Variants in ROS1 observed in about 807,000 individuals in gnomAD.
The protein encoded by ROS1 is proto-oncogene tyrosine-protein kinase ROS.
In ROS1, 263 loss-of-function variants were observed where a neutral mutation model predicts 273.5. That is an observed-to-expected ratio of 0.96 (90% CI 0.87 to 1.06). ROS1 has a LOEUF of 1.06. Among genes scored for constraint, ROS1 ranks in the 50% least tolerant of loss-of-function variants. ROS1 has a pLI of 0.00. For synonymous variants in ROS1, 1,008 were observed against 954.1 expected, an observed-to-expected ratio of 1.06 and a Z score of -1.04; for missense variants, 2,833 against 2,751.1, an observed-to-expected ratio of 1.03 and a Z score of -0.67.
intron 4 of ROS1, among the ~76,000 whole-genome samples, chr6:117,410,365 C>G (rs1242165836): frequency 6.6e-6 from 1 of 152,004 alleles, no homozygotes. Context: ...TTTATATATC[C>G]CGGTCTTCCT....
chr6:117,381,632 C>T (rs562920108), intron 17 of ROS1, among the ~76,000 whole-genome samples: 11 of 151,970 alleles, frequency 7.2e-5, no homozygotes, highest in Non-Finnish European at 1.3e-4. Flanking sequence ...TTTCTTTATC[C>T]ATCCACTAAT....
At chr6:117,325,882 T>C (rs960500440) in intron 34 of ROS1, among the ~76,000 whole-genome samples, 3 of 151,910 alleles carry the variant, frequency 2.0e-5, no homozygotes, top group African/African-American at 7.2e-5. Flanking sequence ...GGAGTGGTCA[T>C]AAGGCTGGTA....
chr6:117,362,494 C>G, intron 22 of ROS1, 109 bp downstream of exon 22: 1 of 981,656 alleles, frequency 1.0e-6, no homozygotes, highest in Non-Finnish European at 1.5e-6. Context: ...CAATCAAAAT[C>G]TAGGTATGTG....
At position 117,403,181 on chromosome 6, in the gene ROS1, A is replaced by C; in HGVS notation, c.562T>G (p.Tyr188Asp). Reference sequence around the variant, plus strand: ...CTGTAACTGGGACTTGGAGGGGAGTAGAGCTGCAGCTGCGCTGTGAAGATC... The same window carrying C: ...CTGTAACTGGGACTTGGAGGGGAGTCGAGCTGCAGCTGCGCTGTGAAGATC... ...VWIFTAQLQL[Y>D]SPPSPSYRTH... Residue 188 changes from tyrosine to aspartate, a missense_variant, in exon 7 of 44, where the codon TAC becomes GAC. Transcript: ENST00000368507. The C allele has an allele frequency of 6.2e-7, 1 of 1,613,676 alleles. No individual in the cohort carries two copies. The highest frequency in any genetic ancestry group is 1.7e-4 in the Middle Eastern group (1 of 6,050).
At chr6:117,289,740 G>A (rs1230297463) in intron 43 of ROS1, among the ~76,000 whole-genome samples, 1 of 151,972 alleles carries the variant, frequency 6.6e-6, no homozygotes, top group Non-Finnish European at 1.5e-5. Flanking sequence ...ATAGTTAGAT[G>A]TGTTGTAAAA....
intron 43 of ROS1, among the ~76,000 whole-genome samples, chr6:117,289,602 CT>C (rs1228327445): frequency 3.3e-5 from 5 of 152,126 alleles, no homozygotes; most frequent in Non-Finnish European, 7.4e-5. Flanking sequence ...TATGCATCTC[CT>C]TTTTGCAGAC....
rs369847058 is a variant in ROS1, at chr6:117,367,556, A to T, written c.2583-1266T>A. Reference sequence around the variant, plus strand: ...CCAGTTCACGTGATGCCAAGAAGGCATGGCCTGCATGCCCACATGACTATT... The same window carrying T: ...CCAGTTCACGTGATGCCAAGAAGGCTTGGCCTGCATGCCCACATGACTATT... On this transcript the variant is annotated intron_variant, in intron 18 of 43. Coordinates refer to ENST00000368507, the MANE Select transcript of ROS1 (RefSeq NM_001378902.1). 8.5e-5 allele frequency among the ~76,000 whole-genome samples: 13 copies of T among 152,338 alleles called. No individual in the cohort carries two copies. The East Asian group carries it at 1.5e-3, about 18-fold the overall frequency.
chr6:117,314,263 G>C (rs188332378), intron 39 of ROS1, among the ~76,000 whole-genome samples: 1 of 152,114 alleles, frequency 6.6e-6, no homozygotes, highest in Non-Finnish European at 1.5e-5. Context: ...CAAATCAACT[G>C]TCATGAGAAC....
chr6:117,409,628 C>T lies in ROS1; in HGVS notation c.270G>A (p.Glu90=). 1 of 1,613,886 alleles carries T rather than the reference C, an allele frequency of 6.2e-7. No individual in the cohort carries two copies. The highest frequency in any genetic ancestry group is 8.5e-7 in the Non-Finnish European group (1 of 1,179,834). ...CACCTTCCGCGCTGCTACAGCCAAC[C>T]TCACACGACTCCCGCTGTGGAAGAC... The part of the protein sequence containing the change: ...YATVCERESC[E]VGCSSAEGAY... The change falls in exon 5 of 44, where the codon GAG becomes GAA. Residue 90 remains glutamate (E), a synonymous_variant. Transcript: ENST00000368507.
At chr6:117,423,592 G>A (rs1042463540) in intron 1 of ROS1, among the ~76,000 whole-genome samples, 10 of 152,190 alleles carry the variant, frequency 6.6e-5, no homozygotes, top group African/African-American at 2.2e-4. Flanking sequence ...CTCTGTTAAC[G>A]TAAGATAAAA....
chr6:117,366,262 C>T lies in ROS1; in HGVS notation c.2611G>A (p.Ala871Thr), dbSNP rs539820527. ...STGDTTITEFAAWSTSEISQN... is the reference protein window; with the variant it reads ...STGDTTITEFTAWSTSEISQN... ...GAAATTTCAGAAGTACTCCAGGCTG[C>T]AAATTCTGTGATGGTGGTATCCCCA... The change falls in exon 19 of 44, where the codon GCA (alanine) becomes ACA (threonine). Residue 871 changes from alanine to threonine, a missense_variant. Ala to Thr is a moderately conservative substitution (Grantham distance 58, BLOSUM62 0). Coordinates refer to ENST00000368507, the MANE Select transcript of ROS1 (RefSeq NM_001378902.1). 31 of 1,613,996 alleles carry T rather than the reference C, an allele frequency of 1.9e-5. No homozygotes were observed. The South Asian group carries it at 3.1e-4, about 16-fold the overall frequency.
Position 117,324,400 on chromosome 6 carries a change from G to C in ROS1, c.5555C>G (p.Pro1852Arg), listed in dbSNP as rs1185894476. 6.8e-7 allele frequency: 1 copy of C among 1,461,442 alleles called. No homozygotes were observed. The highest frequency in any genetic ancestry group is 1.2e-5 in the South Asian group (1 of 83,480). The allele number at this position is 1,461,442 out of a possible 1,614,324, so 90.5% of individuals were successfully genotyped here. The stretch of plus-strand genomic sequence containing the variant: ...AATAGTAAGTATGAAACTTGTTTCT[G>C]GTATCCAAAAATCATCTAATAATAT... ...IILVGDDFWI[P>R]ETSFILTIIV... Residue 1852 changes from proline to arginine, a missense_variant, in exon 35 of 44, where the codon CCA (proline) becomes CGA (arginine). Physicochemically the swap from Pro to Arg is moderately radical, Grantham distance 103. Transcript: ENST00000368507.
rs775020411 is a variant in ROS1 at position 117,362,753 on chromosome 6, C to T, written c.3216G>A (p.Gly1072=). 6.2e-7 allele frequency: 1 copy of T among 1,613,622 alleles called. No individual in the cohort carries two copies. The highest frequency in any genetic ancestry group is 8.5e-7 in the Non-Finnish European group (1 of 1,179,718). ...AGAAAATTTCAAATTTTGTTAACAC[C>T]CCATTTTCATGCTTAGGTTTGTTCC... ...FRWNKPKHEN[G]VLTKFEIFYN... Residue 1072 remains glycine, a synonymous_variant, in exon 22 of 44, where the codon GGG becomes GGA. Transcript: ENST00000368507.
chr6:117,361,038 TCACAACTA>T (rs1258163010), intron 22 of ROS1, among the ~76,000 whole-genome samples: 2 of 152,080 alleles, frequency 1.3e-5, no homozygotes, highest in African/African-American at 4.8e-5. Flanking sequence ...CTTTTGATCT[TCACAACTA>T]CTAAGAGTAG....
In ROS1 at chr6:117,300,972, A is replaced by G. The variant is rs2128536560; in HGVS notation, c.6715+2T>C. Reference sequence around the variant, plus strand: ...TAGAAAATTCTGAAGAATCAAACTTACCTTCAAAGCTTTCATTTATGACTC... The same window carrying G: ...TAGAAAATTCTGAAGAATCAAACTTGCCTTCAAAGCTTTCATTTATGACTC... On this transcript the variant is annotated splice_donor_variant, in intron 43 of 43. Coordinates refer to ENST00000368507, the MANE Select transcript of ROS1 (RefSeq NM_001378902.1). LOFTEE classifies it high-confidence loss of function. 6.5e-7 allele frequency: 1 copy of G among 1,550,354 alleles called. No individual in the cohort carries two copies.
intron 17 of ROS1, among the ~76,000 whole-genome samples, chr6:117,380,429 T>G (rs1221578921): frequency 6.6e-6 from 1 of 152,064 alleles, no homozygotes; most frequent in East Asian, 1.9e-4. Context: ...GGTAAAAATG[T>G]ATTCTGGCAA....
chr6:117,410,579 A>AACAC (rs145078869), intron 4 of ROS1, among the ~76,000 whole-genome samples: 1 of 151,976 alleles, frequency 6.6e-6, no homozygotes, highest in Non-Finnish European at 1.5e-5. Context: ...TCAGCTACAA[A>AACAC]ACACACACAC....
intron 25 of ROS1, 34 bp from the exon 26 acceptor site, chr6:117,356,949 G>A (rs1250080451): frequency 6.5e-7 from 1 of 1,538,378 alleles, no homozygotes; most frequent in Non-Finnish European, 8.9e-7. Context: ...CCAACTTAAT[G>A]AGTAAAATAC....
rs763443729 is a variant in ROS1, at chr6:117,356,624, C to T, written c.4126+5G>A. 1.2e-6 allele frequency: 2 copies of T among 1,606,708 alleles called. No individual in the cohort carries two copies. On this transcript the variant is annotated splice_donor_5th_base_variant and intron_variant, in intron 26 of 43. Coordinates refer to ENST00000368507, the MANE Select transcript of ROS1 (RefSeq NM_001378902.1). ...AATATCTGTGCACATACATCAGCAT[C>T]TTACCGAGCATAGCAGGTACTGTGA...
Sources: gnomAD v4.1 joint callset for allele counts (sites outside exome capture counted in the v4.1 genomes callset) on GRCh38, gnomAD v4.1.1 for gene constraint, MANE v1.5 for transcripts, NCBI Gene and HGNC (gene_info 2026-07-23, HGNC 2026-07-21) for gene names.